The following DOK6 variants were observed in gnomAD, a reference collection of about 807,000 sequenced individuals.
DOK6 encodes the protein docking protein 6, also known as downstream of tyrosine kinase 6.
In DOK6, 22 loss-of-function variants were observed where a neutral mutation model predicts 44.0. That is an observed-to-expected ratio of 0.50 (90% confidence interval 0.36 to 0.71). The LOEUF (loss-of-function observed/expected upper bound fraction) is 0.71. Among genes scored for constraint, DOK6 ranks in the 30% least tolerant of loss-of-function variants. The pLI is 0.00. For missense variants in DOK6, 340 were observed against 416.4 expected (o/e 0.82, Z 1.60); for synonymous variants, 166 against 145.5 (o/e 1.14, Z -1.01).
At chr18:69,481,037 G>C (rs1343464043) in intron 1 of DOK6, among the ~76,000 whole-genome samples, 1 of 152,088 alleles carries the variant, frequency 6.6e-6, no homozygotes, top group African/African-American at 2.4e-5. Flanking sequence ...TTCAGTGCCA[G>C]AGGAGTAAAG....
At position 69,813,208 on chromosome 18, in the gene DOK6, AAGT is replaced by A. The variant is rs1403680385; in HGVS notation, c.857-28035_857-28033del. On this transcript the variant is annotated intron_variant, in intron 7 of 7. Transcript: ENST00000382713. The stretch of plus-strand genomic sequence containing the variant: ...CCCAAGAGATATTAAGTGACTTTTG[AAGT>A]TCCAAAATTTGAGGTGCCCTTATCT... 2.0e-5 allele frequency among the ~76,000 whole-genome samples: 3 copies of A among 152,270 alleles called. No individual in the cohort carries two copies. In the East Asian group the frequency reaches 5.8e-4, roughly 29 times the overall value.
At chr18:69,577,791 A>T (rs923076087) in intron 2 of DOK6, among the ~76,000 whole-genome samples, 25 of 152,130 alleles carry the variant, frequency 1.6e-4, no homozygotes, top group African/African-American at 4.8e-4. Flanking sequence ...GTGATGTCTA[A>T]ATTCTAGGAA....
chr18:69,401,657 A>G (rs1312775124), intron 1 of DOK6, among the ~76,000 whole-genome samples: 1 of 151,984 alleles, frequency 6.6e-6, no homozygotes, highest in Non-Finnish European at 1.5e-5. Context: ...GTCTGTTCTC[A>G]AAAGTGTGCG....
At chr18:69,516,874 G>T (rs1276546089) in intron 1 of DOK6, among the ~76,000 whole-genome samples, 4 of 145,878 alleles carry the variant, frequency 2.7e-5, no homozygotes, top group Admixed American at 1.4e-4. Flanking sequence ...GAAGACGACC[G>T]TTTCACCATA....
chr18:69,691,518 G>T (rs1185075960), intron 4 of DOK6, among the ~76,000 whole-genome samples: 1 of 152,156 alleles, frequency 6.6e-6, no homozygotes, highest in Non-Finnish European at 1.5e-5. Context: ...TACCCAAGCT[G>T]GTACCTGGGC....
intron 7 of DOK6, among the ~76,000 whole-genome samples, chr18:69,820,649 T>C (rs564959041): frequency 2.5e-4 from 38 of 152,238 alleles, no homozygotes; most frequent in African/African-American, 8.2e-4. Context: ...AAAAAGCTAA[T>C]TCACTCAACA....
chr18:69,575,659 T>C (rs959135208), intron 2 of DOK6, among the ~76,000 whole-genome samples: 3 of 152,110 alleles, frequency 2.0e-5, no homozygotes, highest in African/African-American at 7.2e-5. Flanking sequence ...GTTAGTGGAA[T>C]AAATGTTAAA....
chr18:69,774,384 A>C (rs1241444916), intron 7 of DOK6, among the ~76,000 whole-genome samples: 1 of 151,594 alleles, frequency 6.6e-6, no homozygotes, highest in African/African-American at 2.4e-5. Context: ...TGAGGGATAA[A>C]GGACTACAAA....
chr18:69,456,664 C>T (rs1227081925), intron 1 of DOK6, among the ~76,000 whole-genome samples: 2 of 152,006 alleles, frequency 1.3e-5, no homozygotes, highest in South Asian at 2.1e-4. Context: ...GGGTCTATAC[C>T]CATGAATGGG....
At chr18:69,493,063 G>A (rs1260340788) in intron 1 of DOK6, among the ~76,000 whole-genome samples, 1 of 151,976 alleles carries the variant, frequency 6.6e-6, no homozygotes, top group Non-Finnish European at 1.5e-5. Context: ...TAAACATCAT[G>A]ATGATGTCAT....
intron 1 of DOK6, among the ~76,000 whole-genome samples, chr18:69,457,491 A>G (rs1317032269): frequency 6.6e-6 from 1 of 151,976 alleles, no homozygotes; most frequent in African/African-American, 2.4e-5. Context: ...CCACTGGTCT[A>G]TGTGTCTGTT....
At chr18:69,779,210 G>A (rs1482949022) in intron 7 of DOK6, among the ~76,000 whole-genome samples, 1 of 151,910 alleles carries the variant, frequency 6.6e-6, no homozygotes. Context: ...GTCCCAAATG[G>A]TCATGTACTT....
intron 2 of DOK6, among the ~76,000 whole-genome samples, chr18:69,584,040 G>A (rs529698307): frequency 3.4e-5 from 5 of 145,050 alleles, no homozygotes; most frequent in Admixed American, 7.0e-5. Flanking sequence ...CCCGGGAGGC[G>A]GAGCTTGCAG....
chr18:69,831,379 A>T (rs1981896570), intron 7 of DOK6, among the ~76,000 whole-genome samples: 1 of 152,224 alleles, frequency 6.6e-6, no homozygotes, highest in Non-Finnish European at 1.5e-5. Flanking sequence ...ATACCTACAC[A>T]GACACACTCA....
chr18:69,467,691 C>T (rs1979968393), intron 1 of DOK6, among the ~76,000 whole-genome samples: 1 of 152,100 alleles, frequency 6.6e-6, no homozygotes, highest in South Asian at 2.1e-4. Context: ...AAAATCGGTG[C>T]TTTTTAGGAA....
chr18:69,736,424 G>A (rs980826889), intron 5 of DOK6, among the ~76,000 whole-genome samples: 5 of 152,036 alleles, frequency 3.3e-5, no homozygotes, highest in Non-Finnish European at 5.9e-5. Context: ...AGAAACCTTA[G>A]AGATTATATT....
chr18:69,554,445 G>C (rs1982640041), intron 1 of DOK6, among the ~76,000 whole-genome samples: 1 of 152,142 alleles, frequency 6.6e-6, no homozygotes, highest in Admixed American at 6.5e-5. Context: ...GCTTTCTTTT[G>C]TGTCTGGATT....
At chr18:69,758,168 G>T (rs1350362865) in intron 7 of DOK6, among the ~76,000 whole-genome samples, 1 of 152,210 alleles carries the variant, frequency 6.6e-6, no homozygotes, top group African/African-American at 2.4e-5. Context: ...AAAAGCTAAT[G>T]CTGAGATCTG....
chr18:69,505,893 A>C (rs1047557944), intron 1 of DOK6, among the ~76,000 whole-genome samples: 1 of 148,600 alleles, frequency 6.7e-6, no homozygotes, highest in African/African-American at 2.4e-5. Context: ...TAGCAAAATT[A>C]AACACAAAAT....
Sources: gnomAD v4.1 joint callset for allele counts (sites outside exome capture counted in the v4.1 genomes callset) on GRCh38, gnomAD v4.1.1 for gene constraint, MANE v1.5 for transcripts, NCBI Gene and HGNC (gene_info 2026-07-23, HGNC 2026-07-21) for gene names.